PIP5K1C: variants seen among roughly 807,000 people sequenced by gnomAD.
PIP5K1C encodes phosphatidylinositol-4-phosphate 5-kinase type 1 gamma.
A neutral mutation model predicts 80.1 loss-of-function variants in PIP5K1C; 45 were observed. The observed-to-expected ratio is 0.56, with a 90% CI of 0.44 to 0.72. The LOEUF (loss-of-function observed/expected upper bound fraction) is 0.72, where lower values mean the gene tolerates loss of function less well. Among genes scored for constraint, PIP5K1C ranks in the 30% least tolerant of loss-of-function variants. The pLI is 0.00. For missense variants in PIP5K1C, 753 were observed against 954.6 expected, an observed-to-expected ratio of 0.79 and a Z score of 2.78; for synonymous variants, 498 against 420.1, an observed-to-expected ratio of 1.19 and a Z score of -2.27.
intron 4 of PIP5K1C, 48 bp from the exon 5 acceptor site, chr19:3,661,131 C>A (rs1402726494): frequency 1.6e-6 from 2 of 1,260,334 alleles, no homozygotes; most frequent in Non-Finnish European, 1.2e-6. Context: ...GTGGGCACCT[C>A]TCCCCCACCC....
At chr19:3,665,062 G>A in intron 2 of PIP5K1C, 148 bp from the exon 3 acceptor site, 2 of 721,606 alleles carry the variant, frequency 2.8e-6, no homozygotes, top group East Asian at 5.5e-5. Flanking sequence ...ACTCCGGGGT[G>A]CAGCAGGAGG....
At chr19:3,657,678 C>CCAA (rs1238161076) in intron 5 of PIP5K1C, among the ~76,000 whole-genome samples, 2 of 152,024 alleles carry the variant, frequency 1.3e-5, no homozygotes, top group African/African-American at 2.4e-5. Flanking sequence ...CTCTGTAATC[C>CCAA]CAACACCTTG....
At position 3,656,065 on chromosome 19, in the gene PIP5K1C, C is replaced by G. The variant is rs765232048; in HGVS notation, c.621+340G>C. ...CCCCTTGGGCCTCCGTGGCAGCTGA[C>G]AGACGCTGCCCGCAGGCTGCTGGTT... is the stretch of plus-strand genomic sequence containing the variant. On this transcript the variant is annotated intron_variant, in intron 6 of 17. Transcript: ENST00000335312. 2.0e-5 allele frequency among the ~76,000 whole-genome samples: 3 copies of G among 152,338 alleles called. No homozygotes were observed. In the East Asian group the frequency reaches 5.8e-4, roughly 29 times the overall value.
chr19:3,675,428 C>A (rs553861522), intron 1 of PIP5K1C, among the ~76,000 whole-genome samples: 3 of 152,320 alleles, frequency 2.0e-5, no homozygotes, highest in Non-Finnish European at 4.4e-5. Flanking sequence ...GGCAGCCAGT[C>A]TGCTGCAGGC....
At chr19:3,666,295 C>T (rs568929756) in intron 2 of PIP5K1C, among the ~76,000 whole-genome samples, 20 of 152,336 alleles carry the variant, frequency 1.3e-4, no homozygotes, top group African/African-American at 4.6e-4. Flanking sequence ...TGCAGCAGCT[C>T]GGGTGCCCTC....
Position 3,667,254 on chromosome 19 carries a change from C to A in PIP5K1C, c.126+68G>T, listed in dbSNP as rs2035042560. On this transcript the variant is annotated intron_variant, in intron 2 of 17. Transcript: ENST00000335312. ...TGAGCTGCCCCAGGCCACACAGCTT[C>A]TCCGCGAGTAGGGAGGCAGCAGGTC... 3 of 1,421,802 alleles carry A rather than the reference C, an allele frequency of 2.1e-6. No individual in the cohort carries two copies. The Admixed American group carries it at 5.6e-5, about 27-fold the overall frequency. 88.1% of individuals were successfully genotyped at this position (1,421,802 alleles called of 1,614,324 possible). A position where few individuals can be genotyped will look rare whatever the true frequency, so the allele number is the denominator to read the frequency against.
intron 1 of PIP5K1C, among the ~76,000 whole-genome samples, chr19:3,680,249 G>C (rs1462043499): frequency 6.6e-6 from 1 of 152,204 alleles, no homozygotes. Context: ...AGCATCTCTT[G>C]GGTTTGGGGG....
intron 7 of PIP5K1C, 102 bp downstream of exon 7, chr19:3,653,188 G>T: frequency 1.9e-6 from 2 of 1,079,280 alleles, no homozygotes; most frequent in Non-Finnish European, 2.7e-6. Flanking sequence ...GGGCAGGTGG[G>T]CCTCGGCCTG....
Position 3,688,385 on chromosome 19 carries a change from G to T in PIP5K1C, c.94+11912C>A, listed in dbSNP as rs2035838602. On this transcript the variant is annotated intron_variant, in intron 1 of 17. Transcript: ENST00000335312. This position sits in a 1 kb window ranked among gnomAD's most constrained non-coding sequence, Gnocchi z 5.3. ...CTCCTGTTCCTCACCTGCGAGGGGG[G>T]GACGGCCTCTGGCCCCCTGCTGTGG... Among the ~76,000 whole-genome samples, 2 of 152,204 alleles carry T rather than the reference G, an allele frequency of 1.3e-5. No individual in the cohort carries two copies. Among genetic ancestry groups the T allele is most frequent in the Admixed American group, 1.3e-4 (2 of 15,288 alleles).
chr19:3,667,584 G>A (rs1287796469), intron 1 of PIP5K1C, among the ~76,000 whole-genome samples: 2 of 152,250 alleles, frequency 1.3e-5, no homozygotes, highest in East Asian at 1.9e-4. Context: ...CAGCCACTGG[G>A]GCCTAGAGCA....
chr19:3,674,133 C>T (rs893874255), intron 1 of PIP5K1C: 1 of 152,260 alleles, frequency 6.6e-6, no homozygotes, highest in Admixed American at 6.5e-5. Flanking sequence ...CTGTTCCTGC[C>T]ATCCTGGCTG....
At chr19:3,670,535 T>C (rs565795711) in intron 1 of PIP5K1C, among the ~76,000 whole-genome samples, 18 of 152,352 alleles carry the variant, frequency 1.2e-4, no homozygotes, top group Middle Eastern at 3.4e-3. Context: ...CTCCTGGACC[T>C]CAGGCTCCTG....
chr19:3,662,092 G>A, intron 3 of PIP5K1C, 91 bp from the exon 4 acceptor site: 2 of 1,470,336 alleles, frequency 1.4e-6, no homozygotes, highest in South Asian at 2.4e-5. Context: ...ATCGTGACCA[G>A]CTGCAGCTTG....
At chr19:3,658,829 G>A (rs1437971319) in intron 5 of PIP5K1C, among the ~76,000 whole-genome samples, 1 of 152,230 alleles carries the variant, frequency 6.6e-6, no homozygotes, top group Non-Finnish European at 1.5e-5. Flanking sequence ...GCAGGGCTAT[G>A]GCCTCCATGG....
chr19:3,658,200 G>A (rs1044017334), intron 5 of PIP5K1C, among the ~76,000 whole-genome samples: 4 of 152,228 alleles, frequency 2.6e-5, no homozygotes, highest in African/African-American at 7.2e-5. Flanking sequence ...ATCACACGTC[G>A]GTCAACACAG....
Position 3,632,905 on chromosome 19 carries a change from T to G in PIP5K1C, c.*262A>C, listed in dbSNP as rs1456223972. On this transcript the variant is annotated 3_prime_UTR_variant, in exon 18 of 18. Transcript: ENST00000335312. ...CGGCACACACGTGCTTCCGTCTCTG[T>G]GCCAAATAAGGACTCAAATGCGATT... 1.9e-6 allele frequency: 1 copy of G among 516,198 alleles called. No individual in the cohort carries two copies. The highest frequency in any genetic ancestry group is 3.4e-6 in the Non-Finnish European group (1 of 293,084). The allele number at this position is 516,198 out of a possible 1,614,324, so 32.0% of individuals were successfully genotyped here.
chr19:3,662,122 C>CACCAGGAGGGGGTTGG, intron 3 of PIP5K1C, 121 bp from the exon 4 acceptor site: 2 of 1,265,934 alleles, frequency 1.6e-6, no homozygotes, highest in Non-Finnish European at 2.2e-6. Flanking sequence ...ACCTGCCAAC[C>CACCAGGAGGGGGTTGG]CCCTCCTGGT....
At chr19:3,644,386 AC>A in intron 11 of PIP5K1C, 135 bp from the exon 12 acceptor site, 1 of 860,386 alleles carries the variant, frequency 1.2e-6, no homozygotes, top group Non-Finnish European at 1.8e-6. Context: ...GCCAGGAAGC[AC>A]CACAACCTCT....
chr19:3,648,447 G>T lies in PIP5K1C; in HGVS notation c.1211+178C>A, dbSNP rs894752385. Reference sequence around the variant, plus strand: ...GGTGCGGCTGTTTCCACGGGCAAGCGCCTCTGTGCATGGGTGTCCTGGGGG... The same window carrying T: ...GGTGCGGCTGTTTCCACGGGCAAGCTCCTCTGTGCATGGGTGTCCTGGGGG... On this transcript the variant is annotated intron_variant, in intron 9 of 17. Transcript: ENST00000335312. The surrounding 1 kb of genome is among the most constrained non-coding windows in gnomAD (Gnocchi z 4.3). 6.6e-6 allele frequency among the ~76,000 whole-genome samples: 1 copy of T among 152,154 alleles called. No homozygotes were observed. The highest frequency in any genetic ancestry group is 2.4e-5 in the African/African-American group (1 of 41,428).
Sources: gnomAD v4.1 joint callset for allele counts (sites outside exome capture counted in the v4.1 genomes callset) on GRCh38, gnomAD v4.1.1 for gene constraint, Gnocchi (gnomAD v3.1) non-coding constraint, MANE v1.5 for transcripts, NCBI Gene and HGNC (gene_info 2026-07-23, HGNC 2026-07-21) for gene names.